TOX: variants seen among roughly 807,000 people sequenced by gnomAD.
The protein encoded by TOX is thymocyte selection-associated high mobility group box protein TOX.
A neutral mutation model predicts 53.7 loss-of-function variants in TOX; 11 were observed. The ratio of observed to expected loss-of-function variants is 0.20; its 90% CI spans 0.13 to 0.34. TOX has a LOEUF of 0.34. Among genes scored for constraint, TOX ranks in the 10% least tolerant of loss-of-function variants. The pLI is 1.00. For synonymous variants in TOX, 225 were observed against 245.3 expected (o/e 0.92, Z 0.77); for missense variants, 570 against 664.6 (o/e 0.86, Z 1.56).
intron 1 of TOX, among the ~76,000 whole-genome samples, chr8:59,021,778 C>A (rs1440871316): frequency 6.6e-6 from 1 of 152,024 alleles, no homozygotes; most frequent in Non-Finnish European, 1.5e-5. Context: ...GAATCAAAAT[C>A]ATGATTGAAA....
intron 1 of TOX, among the ~76,000 whole-genome samples, chr8:59,062,087 C>T (rs1229830122): frequency 3.3e-5 from 5 of 152,158 alleles, no homozygotes; most frequent in East Asian, 3.9e-4. Flanking sequence ...TGCCCCCACA[C>T]CCAGGAGATT....
At chr8:58,864,576 G>A (rs1056914434) in intron 3 of TOX, among the ~76,000 whole-genome samples, 11 of 152,114 alleles carry the variant, frequency 7.2e-5, no homozygotes, top group African/African-American at 2.2e-4. Context: ...GCTTTACAAC[G>A]TTCATTTCAT....
intron 1 of TOX, among the ~76,000 whole-genome samples, chr8:59,062,079 C>A (rs1490839945): frequency 6.6e-6 from 1 of 152,112 alleles, no homozygotes; most frequent in Non-Finnish European, 1.5e-5. Context: ...GAAAATTCTG[C>A]CCCCACACCC....
chr8:58,828,802 AC>A (rs1228963806), intron 5 of TOX, among the ~76,000 whole-genome samples: 1 of 152,144 alleles, frequency 6.6e-6, no homozygotes, highest in Admixed American at 6.6e-5. Context: ...CCTTAAACTG[AC>A]AATGTTTACA....
In TOX at chr8:59,064,761, T is replaced by G. The variant is rs75873107; in HGVS notation, c.102+54125A>C. Among the ~76,000 whole-genome samples, 747 of 152,314 alleles carry G rather than the reference T, an allele frequency of 4.9e-3. 5 individuals are homozygous for G. Among genetic ancestry groups the G allele is most frequent in the African/African-American group, 0.017 (696 of 41,560 alleles). ...TCTACATTTTCTCTCTGATTTCCAA[T>G]TCTTTTATCACAAAAGTAGAATAAA... On this transcript the variant is annotated intron_variant, in intron 1 of 8. Coordinates refer to ENST00000361421, the MANE Select transcript of TOX (RefSeq NM_014729.3).
chr8:59,074,563 AGCAAT>A (rs1804259387), intron 1 of TOX, among the ~76,000 whole-genome samples: 1 of 152,232 alleles, frequency 6.6e-6, no homozygotes, highest in South Asian at 2.1e-4. Context: ...ATGATGAGGT[AGCAAT>A]GCAATATTGC....
chr8:58,930,425 G>A (rs375048728), intron 3 of TOX, among the ~76,000 whole-genome samples: 9 of 152,320 alleles, frequency 5.9e-5, no homozygotes, highest in African/African-American at 2.2e-4. Flanking sequence ...CCTCTTTCCT[G>A]TAATGAGCTC....
chr8:59,037,923 A>G (rs898795063), intron 1 of TOX, among the ~76,000 whole-genome samples: 1 of 152,122 alleles, frequency 6.6e-6, no homozygotes, highest in Non-Finnish European at 1.5e-5. Flanking sequence ...ATTTTGTGTT[A>G]ATGTTGAAAA....
chr8:58,879,670 C>CA (rs1811349721), intron 3 of TOX, among the ~76,000 whole-genome samples: 2 of 152,194 alleles, frequency 1.3e-5, no homozygotes, highest in South Asian at 2.1e-4. Flanking sequence ...ACGTTCCCTG[C>CA]AAAAAATCGA....
At chr8:58,985,282 A>G (rs1585942801) in intron 1 of TOX, among the ~76,000 whole-genome samples, 1 of 152,286 alleles carries the variant, frequency 6.6e-6, no homozygotes, top group Middle Eastern at 3.4e-3. Context: ...AAGGTAGCAT[A>G]TATACACAAG....
chr8:59,097,297 G>T (rs1804729036), intron 1 of TOX, among the ~76,000 whole-genome samples: 1 of 152,182 alleles, frequency 6.6e-6, no homozygotes, highest in South Asian at 2.1e-4. Context: ...ATGAGTTTCA[G>T]AAGTGTTGGA....
chr8:58,984,170 C>T (rs370036145), intron 1 of TOX, among the ~76,000 whole-genome samples: 28 of 152,016 alleles, frequency 1.8e-4, no homozygotes, highest in African/African-American at 5.3e-4. Context: ...ATAAATGGGG[C>T]TAAATCGACA....
At chr8:59,040,018 T>A (rs966264590) in intron 1 of TOX, among the ~76,000 whole-genome samples, 1 of 152,132 alleles carries the variant, frequency 6.6e-6, no homozygotes, top group Non-Finnish European at 1.5e-5. Context: ...TGAAAAATAA[T>A]TTAATAAAAA....
intron 1 of TOX, among the ~76,000 whole-genome samples, chr8:58,983,849 TG>T (rs1309337133): frequency 6.6e-6 from 1 of 152,222 alleles, no homozygotes; most frequent in Admixed American, 6.5e-5. Context: ...ATTTCCCACT[TG>T]GGTTTGCAAT....
At chr8:59,017,557 T>A (rs536790379) in intron 1 of TOX, among the ~76,000 whole-genome samples, 1 of 152,362 alleles carries the variant, frequency 6.6e-6, no homozygotes, top group African/African-American at 2.4e-5. Flanking sequence ...TTCATAGAGA[T>A]ATTCCATTAT....
At chr8:58,815,205 G>A (rs1810152686) in intron 7 of TOX, 133 bp downstream of exon 7, 11 of 1,197,394 alleles carry the variant, frequency 9.2e-6, no homozygotes, top group Non-Finnish European at 1.2e-5. Context: ...TATCTTTAGT[G>A]CTCTCTTGAC....
chr8:59,096,469 A>G (rs1246443921), intron 1 of TOX, among the ~76,000 whole-genome samples: 1 of 152,238 alleles, frequency 6.6e-6, no homozygotes, highest in Non-Finnish European at 1.5e-5. Context: ...ATGAAACTGT[A>G]TTCAATAAAA....
At chr8:58,942,929 A>G (rs1017016338) in intron 2 of TOX, among the ~76,000 whole-genome samples, 2 of 152,058 alleles carry the variant, frequency 1.3e-5, no homozygotes, top group Admixed American at 6.6e-5. Flanking sequence ...TTCACCTTCC[A>G]CCACCAGTAG....
intron 2 of TOX, among the ~76,000 whole-genome samples, chr8:58,942,731 T>G (rs1530696): frequency 0.034 from 5,249 of 152,306 alleles, 265 homozygotes; most frequent in African/African-American, 0.11. Flanking sequence ...AGTTTTATAA[T>G]TTAGACAATT....
Sources: allele counts gnomAD v4.1 joint callset (sites outside exome capture counted in the v4.1 genomes callset), GRCh38; gene constraint gnomAD v4.1.1; transcripts MANE v1.5; gene names NCBI Gene and HGNC (gene_info 2026-07-23, HGNC 2026-07-21).